Variants in LZIC observed in about 807,000 individuals in gnomAD.
The protein encoded by LZIC is protein LZIC.
A neutral mutation model predicts 25.4 loss-of-function variants in LZIC; 28 were observed. The observed-to-expected ratio is 1.10, with a 90% CI of 0.82 to 1.51. The LOEUF (loss-of-function observed/expected upper bound fraction) is 1.51, where lower values mean the gene tolerates loss of function less well. LZIC is among the 40% of genes most tolerant of loss of function. The probability of loss-of-function intolerance (pLI) is 0.00; values close to 1 mark genes in which losing one functional copy is unlikely to be tolerated. For missense variants in LZIC, 170 were observed against 211.1 expected, an observed-to-expected ratio of 0.81 and a Z score of 1.21; for synonymous variants, 65 against 70.7, an observed-to-expected ratio of 0.92 and a Z score of 0.40.
chr1:9,923,517 TC>T (rs1174259623), downstream of LZIC, among the ~76,000 whole-genome samples: 116 of 100,048 alleles, frequency 1.2e-3, 1 homozygote, highest in African/African-American at 2.9e-3. Flanking sequence ...GCCCAATGCT[TC>T]TTTTTTTTTT....
At chr1:9,941,582 C>T (rs1218714796) in intron 2 of LZIC, among the ~76,000 whole-genome samples, 1 of 151,486 alleles carries the variant, frequency 6.6e-6, no homozygotes, top group African/African-American at 2.4e-5. Flanking sequence ...TCACTGCAAC[C>T]TCCGCTTCCC....
chr1:9,936,498 A>C, intron 3 of LZIC, 21 bp downstream of exon 3: 1 of 1,554,610 alleles, frequency 6.4e-7, no homozygotes, highest in South Asian at 1.1e-5. Context: ...CCAGCATAAC[A>C]ACATACAATT....
intron 2 of LZIC, among the ~76,000 whole-genome samples, chr1:9,939,031 G>T (rs1640575857): frequency 6.6e-6 from 1 of 152,026 alleles, no homozygotes; most frequent in Admixed American, 6.6e-5. Flanking sequence ...ACTAGTAAAG[G>T]GTATTAGGGC....
intron 2 of LZIC, among the ~76,000 whole-genome samples, chr1:9,937,123 G>A (rs1428245942): frequency 6.6e-6 from 1 of 152,204 alleles, no homozygotes; most frequent in Non-Finnish European, 1.5e-5. Flanking sequence ...GGCCAGGCAC[G>A]GTGCTCACGC....
In LZIC at chr1:9,929,148, G is replaced by T. The variant is rs1223908597; in HGVS notation, c.*1251C>A. ...CACTGTAAATGTTCTGCCAACGAATGGTACACTTTAAAATGGTGAATTTTA... is the reference window on the plus strand; with the variant it reads ...CACTGTAAATGTTCTGCCAACGAATTGTACACTTTAAAATGGTGAATTTTA... On this transcript the variant is annotated 3_prime_UTR_variant, in exon 8 of 8. Transcript: ENST00000377223. The T allele has an allele frequency of 8.1e-6, 2 of 247,888 alleles. No individual in the cohort carries two copies. The highest frequency in any genetic ancestry group is 6.5e-5 in the Admixed American group (1 of 15,344). 15.4% of individuals were successfully genotyped at this position (247,888 alleles called of 1,614,324 possible).
chr1:9,925,208 C>G (rs995099642), downstream of LZIC, among the ~76,000 whole-genome samples: 1 of 151,872 alleles, frequency 6.6e-6, no homozygotes, highest in Admixed American at 6.6e-5. Flanking sequence ...TGCCTGTAAT[C>G]CCAGCTACTC....
chr1:9,931,222 A>G (rs768215379), intron 7 of LZIC, among the ~76,000 whole-genome samples: 2 of 151,714 alleles, frequency 1.3e-5, no homozygotes, highest in Non-Finnish European at 2.9e-5. Context: ...GCATGCCACC[A>G]CACCTAGCTA....
At position 9,934,743 on chromosome 1, in the gene LZIC, C is replaced by A. The variant is rs1273218551; in HGVS notation, c.336+19G>T. 1.4e-5 allele frequency: 22 copies of A among 1,599,314 alleles called. No individual in the cohort carries two copies. Among genetic ancestry groups the A allele is most frequent in the Non-Finnish European group, 1.8e-5 (21 of 1,167,364 alleles). On this transcript the variant is annotated intron_variant, in intron 5 of 7. Transcript: ENST00000377223. ...AATGAAAAACACACAGCAACCAAAT[C>A]AATTTAAAGAAATTTTACCTCTGCT...
chr1:9,937,653 C>T (rs1420709669), intron 2 of LZIC, among the ~76,000 whole-genome samples: 1 of 151,284 alleles, frequency 6.6e-6, no homozygotes. Flanking sequence ...TCGAGACCAG[C>T]CTGGCCAATA....
chr1:9,936,481 C>T (rs1557441745), intron 3 of LZIC, 38 bp downstream of exon 3: 10 of 1,463,096 alleles, frequency 6.8e-6, no homozygotes, highest in Non-Finnish European at 9.6e-6. Context: ...AGAAAAAACG[C>T]CAGTTTCCAG....
chr1:9,942,220 A>G (rs1319534404), intron 2 of LZIC, among the ~76,000 whole-genome samples: 2 of 152,080 alleles, frequency 1.3e-5, no homozygotes, highest in Non-Finnish European at 2.9e-5. Context: ...CCCAGCTCAA[A>G]TCTTATTCTC....
Position 9,929,180 on chromosome 1 carries a change from A to G in LZIC, c.*1219T>C, listed in dbSNP as rs1640112055. The G allele has an allele frequency of 1.5e-5, 6 of 391,858 alleles. No homozygotes were observed. Among genetic ancestry groups the G allele is most frequent in the Non-Finnish European group, 2.1e-5 (6 of 287,612 alleles). 24.3% of individuals were successfully genotyped at this position (391,858 alleles called of 1,614,324 possible). A position where few individuals can be genotyped will look rare whatever the true frequency, so the allele number is the denominator to read the frequency against. On this transcript the variant is annotated 3_prime_UTR_variant, in exon 8 of 8. Transcript: ENST00000377223. ...TTTAAAATGGTGAATTTTATGATAT[A>G]TGAATTTCACCTCTTTTAAGTTCCA...
At chr1:9,924,598 C>T (rs1639935605), downstream of LZIC, among the ~76,000 whole-genome samples, 1 of 152,136 alleles carries the variant, frequency 6.6e-6, no homozygotes, top group South Asian at 2.1e-4. Context: ...TTGTGATCCG[C>T]CCACCTCCAC....
At chr1:9,930,879 C>A (rs1385854032) in intron 7 of LZIC, among the ~76,000 whole-genome samples, 3 of 152,086 alleles carry the variant, frequency 2.0e-5, no homozygotes, top group Admixed American at 1.3e-4. Context: ...TGCCACCATG[C>A]CCAGCCAATT....
At chr1:9,940,262 C>T (rs190594882) in intron 2 of LZIC, among the ~76,000 whole-genome samples, 4 of 152,136 alleles carry the variant, frequency 2.6e-5, no homozygotes, top group Admixed American at 2.0e-4. Context: ...CTGCAAGCTC[C>T]GCCTCCCGGG....
downstream of LZIC, among the ~76,000 whole-genome samples, chr1:9,925,566 C>G (rs974994663): frequency 6.6e-6 from 1 of 152,140 alleles, no homozygotes. Flanking sequence ...TTTGCTGAAG[C>G]TCTTCAACAG....
intron 7 of LZIC, among the ~76,000 whole-genome samples, chr1:9,931,056 AAT>A (rs1248789580): frequency 2.0e-5 from 3 of 151,446 alleles, no homozygotes; most frequent in African/African-American, 7.3e-5. Flanking sequence ...GAAAAAAAAA[AAT>A]AAAGAAAGAA....
chr1:9,924,488 G>A (rs922793432), downstream of LZIC, among the ~76,000 whole-genome samples: 3 of 152,002 alleles, frequency 2.0e-5, no homozygotes, highest in African/African-American at 7.2e-5. Flanking sequence ...CCAAATAGCT[G>A]GGACTACAGG....
At chr1:9,932,005 G>C in intron 6 of LZIC, 33 bp from the exon 7 acceptor site, 1 of 1,538,740 alleles carries the variant, frequency 6.5e-7, no homozygotes, top group Non-Finnish European at 8.9e-7. Context: ...CAGTTGAGTG[G>C]GTAAATGTTA....
Sources: gnomAD v4.1 joint callset for allele counts (sites outside exome capture counted in the v4.1 genomes callset) on GRCh38, gnomAD v4.1.1 for gene constraint, MANE v1.5 for transcripts, NCBI Gene and HGNC (gene_info 2026-07-23, HGNC 2026-07-21) for gene names.